Variants in ZC3H12C observed in about 807,000 individuals in gnomAD.
ZC3H12C encodes the protein probable ribonuclease ZC3H12C.
In ZC3H12C, 20 loss-of-function variants were observed where a neutral mutation model predicts 76.3. That is an observed-to-expected ratio of 0.26 (90% CI 0.18 to 0.38). ZC3H12C has a LOEUF of 0.38. ZC3H12C is among the 10% of genes least tolerant of loss of function. ZC3H12C has a pLI of 1.00. For synonymous variants in ZC3H12C, 352 were observed against 399.6 expected (o/e 0.88, Z 1.42); for missense variants, 874 against 1,086.5 (o/e 0.80, Z 2.75).
intron 4 of ZC3H12C, among the ~76,000 whole-genome samples, chr11:110,161,388 A>G (rs573750432): frequency 1.2e-4 from 19 of 152,300 alleles, no homozygotes; most frequent in Admixed American, 2.0e-4. Flanking sequence ...TTCTTATAGT[A>G]ATGTAAGACT....
intron 4 of ZC3H12C, among the ~76,000 whole-genome samples, chr11:110,162,207 A>C (rs1176851744): frequency 6.6e-6 from 1 of 152,188 alleles, no homozygotes; most frequent in African/African-American, 2.4e-5. Flanking sequence ...AAAAAGGCAA[A>C]GTGTAAAATT....
chr11:110,157,430 CTTT>C (rs1238127792), intron 3 of ZC3H12C, among the ~76,000 whole-genome samples: 9 of 114,026 alleles, frequency 7.9e-5, no homozygotes, highest in African/African-American at 9.6e-5. Context: ...AAGGTCTGGT[CTTT>C]TTTTTTTTTT....
intron 1 of ZC3H12C, 52 bp from the exon 2 acceptor site, chr11:110,136,611 C>A: frequency 6.4e-7 from 1 of 1,552,660 alleles, no homozygotes; most frequent in South Asian, 1.2e-5. Flanking sequence ...TCCATTGAGA[C>A]AGAAATCTAG....
chr11:110,162,773 C>G (rs538651908), intron 4 of ZC3H12C, among the ~76,000 whole-genome samples: 22 of 152,280 alleles, frequency 1.4e-4, no homozygotes, highest in African/African-American at 5.3e-4. Flanking sequence ...GGAGCTAATA[C>G]TTCGTGGGAT....
intron 1 of ZC3H12C, among the ~76,000 whole-genome samples, chr11:110,094,762 T>C (rs1489068351): frequency 6.6e-6 from 1 of 152,244 alleles, no homozygotes; most frequent in African/African-American, 2.4e-5. Context: ...TCACCTGTTT[T>C]CTTCAACAAT....
chr11:110,093,718 G>C (rs768811181), intron 1 of ZC3H12C, among the ~76,000 whole-genome samples: 3 of 152,048 alleles, frequency 2.0e-5, no homozygotes, highest in Non-Finnish European at 4.4e-5. Context: ...CGGGCTTCCC[G>C]GCCCCGCGGC....
intron 1 of ZC3H12C, among the ~76,000 whole-genome samples, chr11:110,135,511 A>AAAG (rs1555019869): frequency 1.3e-5 from 2 of 150,278 alleles, no homozygotes; most frequent in Admixed American, 6.6e-5. Context: ...AAAAAAAAAA[A>AAAG]GTAAATCCTT....
intron 1 of ZC3H12C, among the ~76,000 whole-genome samples, chr11:110,128,568 A>AG (rs57888501): frequency 0.047 from 7,160 of 152,198 alleles, 509 homozygotes; most frequent in Admixed American, 0.18. Context: ...AGAAAACCCA[A>AG]GGGAAAAAAG....
At chr11:110,152,251 T>C (rs1054157136) in intron 2 of ZC3H12C, among the ~76,000 whole-genome samples, 27 of 152,348 alleles carry the variant, frequency 1.8e-4, no homozygotes, top group South Asian at 1.7e-3. Context: ...GCTAATCCAA[T>C]TTTGAATGCC....
intron 1 of ZC3H12C, among the ~76,000 whole-genome samples, chr11:110,120,101 G>T (rs1389220816): frequency 6.6e-6 from 1 of 152,108 alleles, no homozygotes; most frequent in Non-Finnish European, 1.5e-5. Flanking sequence ...AAAACACACT[G>T]CACTGAAACC....
At chr11:110,130,934 A>G in intron 1 of ZC3H12C, 3 of 1,218,824 alleles carry the variant, frequency 2.5e-6, no homozygotes, top group East Asian at 2.6e-5. Context: ...TTTCTGGCCT[A>G]TGATTGGCTG....
rs1862580952 is a variant in ZC3H12C at position 110,166,132 on chromosome 11, C to A, written c.*395C>A. 6.0e-6 allele frequency: 1 copy of A among 167,666 alleles called. No homozygotes were observed. The allele number at this position is 167,666 out of a possible 1,614,324, so 10.4% of individuals were successfully genotyped here. On this transcript the variant is annotated 3_prime_UTR_variant, in exon 6 of 6. Transcript: ENST00000278590. ...CAATTGCAAGCAATTACAATACCTT[C>A]AGAATGTGGGACATTTGACTAGACC...
At position 110,169,195 on chromosome 11, in the gene ZC3H12C, AAAG is replaced by A. The variant is rs1862631527; in HGVS notation, c.*3459_*3461del. 6.6e-6 allele frequency: 1 copy of A among 152,180 alleles called. No homozygotes were observed. Among genetic ancestry groups the A allele is most frequent in the African/African-American group, 2.4e-5 (1 of 41,450 alleles). The allele number at this position is 152,180 out of a possible 1,614,324, so 9.4% of individuals were successfully genotyped here. A position where few individuals can be genotyped will look rare whatever the true frequency, so the allele number is the denominator to read the frequency against. ...TAATTTTAAAATACACAAAAAACTT[AAAG>A]TAGTATTGATTATACAAATAATTAT... is the stretch of plus-strand genomic sequence containing the variant. On this transcript the variant is annotated 3_prime_UTR_variant, in exon 6 of 6. Coordinates refer to ENST00000278590, the MANE Select transcript of ZC3H12C (RefSeq NM_033390.2).
rs576230045 is a variant in ZC3H12C, at chr11:110,129,725, CAT to C, written c.22-6937_22-6936del. Among the ~76,000 whole-genome samples, 356 of 152,272 alleles carry C rather than the reference CAT, an allele frequency of 2.3e-3. 6 individuals are homozygous for C. Among genetic ancestry groups the C allele is most frequent in the Non-Finnish European group, 6.0e-4 (41 of 68,002 alleles). ...AGGGAATGTGCGTGCTTGTGTTCTA[CAT>C]CACGTAAGTAAATAGTAGAACAGCT... On this transcript the variant is annotated intron_variant, in intron 1 of 5. Coordinates refer to ENST00000278590, the MANE Select transcript of ZC3H12C (RefSeq NM_033390.2).
chr11:110,128,229 G>C (rs547117941), intron 1 of ZC3H12C, among the ~76,000 whole-genome samples: 1 of 151,938 alleles, frequency 6.6e-6, no homozygotes, highest in South Asian at 2.1e-4. Flanking sequence ...AGTGGGAAGT[G>C]GACTAGGGCC....
chr11:110,142,467 A>G (rs1565262266), intron 2 of ZC3H12C, among the ~76,000 whole-genome samples: 1 of 152,326 alleles, frequency 6.6e-6, no homozygotes, highest in East Asian at 1.9e-4. Flanking sequence ...ACCTTTTTAC[A>G]TCTACTAAAC....
chr11:110,143,063 G>A (rs1458785990), intron 2 of ZC3H12C, among the ~76,000 whole-genome samples: 3 of 152,152 alleles, frequency 2.0e-5, no homozygotes, highest in South Asian at 4.1e-4. Flanking sequence ...AGACAATAAC[G>A]TTGAGTAGCT....
intron 2 of ZC3H12C, among the ~76,000 whole-genome samples, chr11:110,146,143 C>T (rs1299016079): frequency 6.6e-6 from 1 of 152,138 alleles, no homozygotes; most frequent in Non-Finnish European, 1.5e-5. Flanking sequence ...CCCGCCACCA[C>T]GCCCGGCTAA....
intron 1 of ZC3H12C, among the ~76,000 whole-genome samples, chr11:110,096,431 A>G (rs1411712752): frequency 6.6e-6 from 1 of 152,046 alleles, no homozygotes; most frequent in Non-Finnish European, 1.5e-5. Context: ...GCCAGACAAC[A>G]TGCTAAGTCT....
Sources: gnomAD v4.1 joint callset for allele counts (sites outside exome capture counted in the v4.1 genomes callset) on GRCh38, gnomAD v4.1.1 for gene constraint, MANE v1.5 for transcripts, NCBI Gene and HGNC (gene_info 2026-07-23, HGNC 2026-07-21) for gene names.